Variants in MTA3 observed in about 807,000 individuals in gnomAD.
MTA3 encodes the protein metastasis associated 1 family member 3.
A neutral mutation model predicts 83.5 loss-of-function variants in MTA3; 34 were observed. That is an observed-to-expected ratio of 0.41 (90% CI 0.31 to 0.54). The LOEUF (loss-of-function observed/expected upper bound fraction) is 0.54. Among genes scored for constraint, MTA3 ranks in the 20% least tolerant of loss-of-function variants. The probability of loss-of-function intolerance (pLI) is 0.33; values close to 1 mark genes in which losing one functional copy is unlikely to be tolerated. For synonymous variants in MTA3, 303 were observed against 252.7 expected (o/e 1.20, Z -1.89); for missense variants, 761 against 726.4 (o/e 1.05, Z -0.55).
intron 16 of MTA3, among the ~76,000 whole-genome samples, chr2:42,724,329 C>CACACACAA: frequency 6.8e-6 from 1 of 147,064 alleles, no homozygotes; most frequent in Non-Finnish European, 1.5e-5. Context: ...CACACACACA[C>CACACACAA]ACGTATATAT....
intron 2 of MTA3, among the ~76,000 whole-genome samples, chr2:42,527,576 A>G (rs1017261461): frequency 6.6e-6 from 1 of 152,158 alleles, no homozygotes; most frequent in South Asian, 2.1e-4. Context: ...TTAAAAAGCA[A>G]ATACAGACAT....
At chr2:42,604,015 C>G (rs1036249737) in intron 3 of MTA3, among the ~76,000 whole-genome samples, 6 of 152,210 alleles carry the variant, frequency 3.9e-5, no homozygotes, top group African/African-American at 1.2e-4. Context: ...TCCCAACGTG[C>G]TGGGATTACA....
intron 3 of MTA3, among the ~76,000 whole-genome samples, chr2:42,609,164 G>A (rs185691590): frequency 0.01 from 1,557 of 151,284 alleles, 23 homozygotes; most frequent in African/African-American, 0.036. Context: ...CCGAGTAGCT[G>A]GGATTACAGG....
intron 5 of MTA3, among the ~76,000 whole-genome samples, chr2:42,642,905 A>T (rs951086647): frequency 6.6e-6 from 1 of 152,052 alleles, no homozygotes; most frequent in Non-Finnish European, 1.5e-5. Flanking sequence ...TCGGCCTCCC[A>T]AAGTGCTGGG....
chr2:42,518,988 CA>C, intron 2 of MTA3, among the ~76,000 whole-genome samples: 1 of 115,222 alleles, frequency 8.7e-6, no homozygotes, highest in Admixed American at 9.0e-5. Context: ...CACACACACA[CA>C]CACACACACA....
intron 2 of MTA3, among the ~76,000 whole-genome samples, chr2:42,540,543 T>A (rs1676472335): frequency 6.6e-6 from 1 of 152,090 alleles, no homozygotes; most frequent in Non-Finnish European, 1.5e-5. Context: ...GTCATTAATA[T>A]TCTTTCCCCA....
chr2:42,519,632 A>G (rs778125947), intron 2 of MTA3, among the ~76,000 whole-genome samples: 1 of 151,736 alleles, frequency 6.6e-6, no homozygotes, highest in Non-Finnish European at 1.5e-5. Flanking sequence ...GGAAAGAGCC[A>G]GACATGGTGG....
chr2:42,554,801 T>C (rs545081202), intron 2 of MTA3, among the ~76,000 whole-genome samples: 14 of 152,262 alleles, frequency 9.2e-5, no homozygotes, highest in African/African-American at 2.6e-4. Flanking sequence ...AGCTTCCTGA[T>C]TGGAACCTGT....
chr2:42,755,102 G>T lies in MTA3; in HGVS notation c.*1703G>T. 1.0e-6 allele frequency: 1 copy of T among 985,468 alleles called. No homozygotes were observed. 61.0% of individuals were successfully genotyped at this position (985,468 alleles called of 1,614,324 possible). A position where few individuals can be genotyped will look rare whatever the true frequency, so the allele number is the denominator to read the frequency against. On this transcript the variant is annotated 3_prime_UTR_variant, in exon 17 of 17. Coordinates refer to ENST00000405094, the MANE Select transcript of MTA3 (RefSeq NM_001330442.2). ...GTTCTCCTCAGGGTTCCCACTGAGG[G>T]GTCCCTTCAGCAAAGACCTGGGAGG...
rs550850816 is a variant in MTA3 at position 42,731,535 on chromosome 2, G to A, written c.1759+8500G>A. Among the ~76,000 whole-genome samples the A allele has an allele frequency of 2.0e-5, 3 of 152,274 alleles. No individual in the cohort carries two copies. The South Asian group carries it at 6.2e-4, about 32-fold the overall frequency. ...CTAATAAACCCATCAGATCTCGTGAGACTTACTCACTATGACAAGAATAGC... is the reference window on the plus strand; with the variant it reads ...CTAATAAACCCATCAGATCTCGTGAAACTTACTCACTATGACAAGAATAGC... On this transcript the variant is annotated intron_variant, in intron 16 of 16. Coordinates refer to ENST00000405094, the MANE Select transcript of MTA3 (RefSeq NM_001330442.2).
intron 11 of MTA3, chr2:42,703,988 C>G: frequency 2.0e-6 from 1 of 497,140 alleles, no homozygotes; most frequent in Non-Finnish European, 3.6e-6. Context: ...CAGGCATAAG[C>G]AATTCCTTTT....
At chr2:42,713,443 A>G (rs1027113828) in intron 14 of MTA3, among the ~76,000 whole-genome samples, 4 of 152,102 alleles carry the variant, frequency 2.6e-5, no homozygotes, top group Admixed American at 2.6e-4. Context: ...AGAGAGTTTA[A>G]ATTTTTTTTT....
Position 42,726,601 on chromosome 2 carries a change from C to T in MTA3, c.1759+3566C>T, listed in dbSNP as rs560769850. ...ATTCCCACCTATGAGTGAGAACATG[C>T]GGTGTTTGTTTTTTTGTCCTTGCAT... On this transcript the variant is annotated intron_variant, in intron 16 of 16. Coordinates refer to ENST00000405094, the MANE Select transcript of MTA3 (RefSeq NM_001330442.2). 1.2e-4 allele frequency among the ~76,000 whole-genome samples: 19 copies of T among 152,032 alleles called. No homozygotes were observed. The South Asian group carries it at 1.5e-3, about 12-fold the overall frequency.
intron 8 of MTA3, among the ~76,000 whole-genome samples, chr2:42,668,638 T>C (rs758730486): frequency 6.6e-6 from 1 of 152,222 alleles, no homozygotes; most frequent in Non-Finnish European, 1.5e-5. Context: ...CATTTACTTC[T>C]GATTTTATAG....
intron 5 of MTA3, among the ~76,000 whole-genome samples, chr2:42,642,936 C>CACCTGGCCT (rs1687827912): frequency 6.6e-6 from 1 of 152,078 alleles, no homozygotes; most frequent in African/African-American, 2.4e-5. Context: ...TGAGCCACTG[C>CACCTGGCCT]ACCTGGCCTA....
chr2:42,587,859 C>A (rs1186231227), intron 3 of MTA3, among the ~76,000 whole-genome samples: 2 of 152,138 alleles, frequency 1.3e-5, no homozygotes, highest in Non-Finnish European at 2.9e-5. Context: ...ACCTTGGCCT[C>A]CTAAGGTGCT....
intron 9 of MTA3, among the ~76,000 whole-genome samples, chr2:42,685,201 A>T (rs2104444384): frequency 6.6e-6 from 1 of 152,360 alleles, no homozygotes; most frequent in African/African-American, 2.4e-5. Flanking sequence ...TATGAAAATG[A>T]GTATAACAGT....
chr2:42,644,383 A>G, intron 6 of MTA3, 139 bp downstream of exon 6: 1 of 537,674 alleles, frequency 1.9e-6, no homozygotes, highest in South Asian at 2.9e-5. Flanking sequence ...TGTTCTTTGT[A>G]AAAAATAAAA....
intron 4 of MTA3, among the ~76,000 whole-genome samples, chr2:42,611,331 ACACACACACC>A (rs1441522251): frequency 3.3e-5 from 5 of 151,410 alleles, no homozygotes; most frequent in Non-Finnish European, 7.4e-5. Flanking sequence ...ATACACACAC[ACACACACACC>A]CCCTCACACA....
Sources: allele counts gnomAD v4.1 joint callset (sites outside exome capture counted in the v4.1 genomes callset), GRCh38; gene constraint gnomAD v4.1.1; transcripts MANE v1.5; gene names NCBI Gene and HGNC (gene_info 2026-07-23, HGNC 2026-07-21).